Variants in EIF2S3B observed in about 807,000 individuals in gnomAD.
The protein encoded by EIF2S3B is eukaryotic translation initiation factor 2 subunit gamma B.
A neutral mutation model predicts 26.4 loss-of-function variants in EIF2S3B; 16 were observed. That is an observed-to-expected ratio of 0.61 (90% CI 0.41 to 0.92). EIF2S3B has a LOEUF of 0.92. Among genes scored for constraint, EIF2S3B ranks in the 40% least tolerant of loss-of-function variants. The pLI, the probability that EIF2S3B is intolerant of heterozygous loss-of-function variation, is 0.00. For missense variants in EIF2S3B, 510 were observed against 575.5 expected (o/e 0.89, Z 1.16); for synonymous variants, 183 against 204.4 (o/e 0.90, Z 0.89).
At chr12:10,522,719 A>G in exon 2 of EIF2S3B, 1 of 685,490 alleles carries the variant, frequency 1.5e-6, no homozygotes, top group Non-Finnish European at 2.7e-6. Flanking sequence ...TCTTTAAAGA[A>G]AAAAGACAAA....
chr12:10,512,574 T>C (rs943449328), downstream of EIF2S3B, among the ~76,000 whole-genome samples: 2 of 152,124 alleles, frequency 1.3e-5, no homozygotes, highest in Non-Finnish European at 2.9e-5. Context: ...ATAGTGACCA[T>C]CAGGCATAAA....
chr12:10,517,446 A>T (rs1419125618), intron 1 of EIF2S3B, among the ~76,000 whole-genome samples: 1 of 151,868 alleles, frequency 6.6e-6, no homozygotes, highest in South Asian at 2.1e-4. Flanking sequence ...TTCTGTGGGA[A>T]TGGTGGTGAT....
At chr12:10,514,874 C>T (rs1864739162) in intron 1 of EIF2S3B, among the ~76,000 whole-genome samples, 1 of 152,078 alleles carries the variant, frequency 6.6e-6, no homozygotes, top group South Asian at 2.1e-4. Context: ...TCCCCCCACC[C>T]ACTTTCTAGG....
intron 1 of EIF2S3B, among the ~76,000 whole-genome samples, chr12:10,514,842 T>C (rs1002792162): frequency 6.6e-6 from 1 of 152,084 alleles, no homozygotes; most frequent in Non-Finnish European, 1.5e-5. Context: ...TAACCTTGAC[T>C]CCTAAAACAA....
chr12:10,513,912 G>A (rs59794775), intron 1 of EIF2S3B, among the ~76,000 whole-genome samples: 5,957 of 144,460 alleles, frequency 0.041, 397 homozygotes, highest in African/African-American at 0.14. Context: ...CTACTTGGGA[G>A]GCTGAGACAG....
At chr12:10,519,583 T>C (rs1463074362) in intron 1 of EIF2S3B, among the ~76,000 whole-genome samples, 2 of 151,958 alleles carry the variant, frequency 1.3e-5, no homozygotes, top group Admixed American at 6.6e-5. Flanking sequence ...ACCTACAAAA[T>C]GGGAGAAAAT....
At chr12:10,523,126 G>A (rs1409629454) in exon 2 of EIF2S3B, 9 of 151,948 alleles carry the variant, frequency 5.9e-5, no homozygotes, top group Admixed American at 4.6e-4. Context: ...AAAAAATGAA[G>A]TTATATTGAT....
At chr12:10,518,423 C>T (rs2137954670) in intron 1 of EIF2S3B, among the ~76,000 whole-genome samples, 1 of 152,022 alleles carries the variant, frequency 6.6e-6, no homozygotes, top group East Asian at 1.9e-4. Context: ...GGATTGCAAC[C>T]CCTGCCTTTT....
Position 10,519,340 on chromosome 12 carries a change from C to T in EIF2S3B, c.1309-3263C>T, listed in dbSNP as rs989999212. On this transcript the variant is annotated intron_variant, in intron 1 of 1. Coordinates refer to the EIF2S3B transcript ENST00000322446. ...GCTGAAACTGGATCCCTTCCTTACA[C>T]CTTATACAAAAATTAATTCAAGATG... 4.1e-3 allele frequency among the ~76,000 whole-genome samples: 616 copies of T among 151,932 alleles called. 2 individuals are homozygous for T. Among genetic ancestry groups the T allele is most frequent in the African/African-American group, 0.014 (571 of 41,474 alleles).
intron 1 of EIF2S3B, among the ~76,000 whole-genome samples, chr12:10,516,120 A>T (rs1864755147): frequency 6.6e-6 from 1 of 152,030 alleles, no homozygotes; most frequent in Non-Finnish European, 1.5e-5. Flanking sequence ...GTGTGGCTAA[A>T]TGATAAACAA....
At position 10,508,477 on chromosome 12, in the gene EIF2S3B, T is replaced by A. The variant is rs1396244791; in HGVS notation, c.*1156T>A. Among the ~76,000 whole-genome samples the A allele has an allele frequency of 1.5e-5, 2 of 130,702 alleles. No individual in the cohort carries two copies. Among genetic ancestry groups the A allele is most frequent in the African/African-American group, 5.8e-5 (2 of 34,614 alleles). The allele number at this position is 130,702 out of a possible 152,430, so 85.7% of individuals were successfully genotyped here. A position where few individuals can be genotyped will look rare whatever the true frequency, so the allele number is the denominator to read the frequency against. ...ATTGTGACACAGATTATAATATTAC[T>A]AATTTTTGGATGTTTCAAAAGGTCA... is the stretch of plus-strand genomic sequence containing the variant. On this transcript the variant is annotated 3_prime_UTR_variant, in exon 1 of 1. Transcript: ENST00000538173.
chr12:10,509,222 T>A (rs1474326489), downstream of EIF2S3B, among the ~76,000 whole-genome samples: 1 of 152,114 alleles, frequency 6.6e-6, no homozygotes, highest in Non-Finnish European at 1.5e-5. Flanking sequence ...TTCTGCCTAT[T>A]CCTCCACAGT....
At chr12:10,515,825 T>C (rs1027193369) in intron 1 of EIF2S3B, among the ~76,000 whole-genome samples, 2 of 151,584 alleles carry the variant, frequency 1.3e-5, no homozygotes, top group African/African-American at 2.4e-5. Flanking sequence ...GTATACTACA[T>C]GTATATATAT....
At position 10,506,051 on chromosome 12, in the gene EIF2S3B, T is replaced by C; in HGVS notation, c.149T>C (p.Val50Ala). ...ATINIGTIGH[V>A]AHGKSTVVKA... ...ATTAATATAGGTACAATTGGTCATG[T>C]AGCTCATGGGAAATCCACAGTCGTC... is the stretch of plus-strand genomic sequence containing the variant. The change falls in exon 1 of 1, where the codon GTA becomes GCA. Residue 50 changes from valine to alanine, a missense_variant. Physicochemically the swap from Val to Ala is moderately conservative, Grantham distance 64. Coordinates refer to ENST00000538173, the MANE Select transcript of EIF2S3B (RefSeq NM_001357734.3). 6.2e-7 allele frequency: 1 copy of C among 1,603,228 alleles called. No individual in the cohort carries two copies. The highest frequency in any genetic ancestry group is 1.7e-5 in the Admixed American group (1 of 60,022).
intron 1 of EIF2S3B, among the ~76,000 whole-genome samples, chr12:10,514,235 T>C (rs1428415210): frequency 9.6e-6 from 1 of 104,088 alleles, no homozygotes; most frequent in Non-Finnish European, 2.1e-5. Flanking sequence ...CCTACTTGTC[T>C]CATCAAAATA....
chr12:10,505,999 C>T lies in EIF2S3B; in HGVS notation c.97C>T (p.His33Tyr), dbSNP rs1221241879. Reference protein sequence around the residue: ...LDVTKLTPLSHEVISRQATIN... With the variant: ...LDVTKLTPLSYEVISRQATIN... ...TGTTACCAAGTTGACGCCACTTTCACACGAAGTTATCAGCAGACAAGCCAC... is the reference window on the plus strand; with the variant it reads ...TGTTACCAAGTTGACGCCACTTTCATACGAAGTTATCAGCAGACAAGCCAC... Residue 33 changes from histidine (H) to tyrosine (Y), a missense_variant, in exon 1 of 1, where the codon CAC becomes TAC. Physicochemically the swap from His to Tyr is moderately conservative, Grantham distance 83. Coordinates refer to ENST00000538173, the MANE Select transcript of EIF2S3B (RefSeq NM_001357734.3). 4 of 1,605,876 alleles carry T rather than the reference C, an allele frequency of 2.5e-6. No individual in the cohort carries two copies. The highest frequency in any genetic ancestry group is 2.6e-6 in the Non-Finnish European group (3 of 1,172,548).
downstream of EIF2S3B, among the ~76,000 whole-genome samples, chr12:10,508,618 T>C (rs1864672895): frequency 6.6e-6 from 1 of 151,560 alleles, no homozygotes; most frequent in African/African-American, 2.4e-5. Context: ...GAAGACGGCA[T>C]TGTGATTATA....
At chr12:10,510,838 A>C (rs1412945151), downstream of EIF2S3B, among the ~76,000 whole-genome samples, 1 of 152,198 alleles carries the variant, frequency 6.6e-6, no homozygotes, top group Non-Finnish European at 1.5e-5. Context: ...CTGCAGGAAG[A>C]AATCTACCAA....
intron 1 of EIF2S3B, chr12:10,522,465 C>T (rs1365586635): frequency 2.0e-6 from 1 of 499,172 alleles, no homozygotes; most frequent in Non-Finnish European, 3.6e-6. Flanking sequence ...GGACTTAGAA[C>T]AAAGCATCAT....
Sources: gnomAD v4.1 joint callset for allele counts (sites outside exome capture counted in the v4.1 genomes callset) on GRCh38, gnomAD v4.1.1 for gene constraint, MANE v1.5 for transcripts, NCBI Gene and HGNC (gene_info 2026-07-23, HGNC 2026-07-21) for gene names.